The following GALNTL6 variants were observed in gnomAD, a reference collection of about 807,000 sequenced individuals.
The protein encoded by GALNTL6 is polypeptide N-acetylgalactosaminyltransferase like 6.
GALNTL6 carries 46 observed loss-of-function variants against 73.7 expected under a neutral mutation model. The ratio of observed to expected loss-of-function variants is 0.62; its 90% CI spans 0.49 to 0.80. GALNTL6 has a LOEUF of 0.80. Ranked by LOEUF, GALNTL6 falls within the 30% of genes least tolerant of loss-of-function variation. GALNTL6 has a pLI of 0.00. For missense variants in GALNTL6, 604 were observed against 755.0 expected, an observed-to-expected ratio of 0.80 and a Z score of 2.34; for synonymous variants, 259 against 263.7, an observed-to-expected ratio of 0.98 and a Z score of 0.17.
At chr4:172,042,952 G>C (rs1742127240) in intron 2 of GALNTL6, among the ~76,000 whole-genome samples, 1 of 136,706 alleles carries the variant, frequency 7.3e-6, no homozygotes. Flanking sequence ...TTTAAAATTT[G>C]AAACACAGTG....
At chr4:172,636,774 C>T (rs1441588730) in intron 5 of GALNTL6, among the ~76,000 whole-genome samples, 1 of 152,148 alleles carries the variant, frequency 6.6e-6, no homozygotes, top group Admixed American at 6.6e-5. Context: ...TAATCAAAGG[C>T]TCCTGGTAAA....
intron 7 of GALNTL6, among the ~76,000 whole-genome samples, chr4:172,814,167 T>C (rs1388436097): frequency 6.6e-6 from 1 of 152,226 alleles, no homozygotes; most frequent in Non-Finnish European, 1.5e-5. Context: ...TGAAATTGTG[T>C]ACCTATAACG....
chr4:172,113,002 A>G (rs1164301814), intron 2 of GALNTL6, among the ~76,000 whole-genome samples: 1 of 151,992 alleles, frequency 6.6e-6, no homozygotes, highest in Non-Finnish European at 1.5e-5. Flanking sequence ...CTATTATAGA[A>G]AACAAAACAG....
At chr4:172,451,518 A>C (rs992086779) in intron 5 of GALNTL6, among the ~76,000 whole-genome samples, 2 of 152,292 alleles carry the variant, frequency 1.3e-5, no homozygotes, top group Admixed American at 6.5e-5. Context: ...GGTTGATAGA[A>C]AGTGGTAAGG....
chr4:172,680,876 A>T (rs1180170205), intron 5 of GALNTL6, among the ~76,000 whole-genome samples: 1 of 152,216 alleles, frequency 6.6e-6, no homozygotes, highest in Non-Finnish European at 1.5e-5. Flanking sequence ...TGAGACAAGG[A>T]TTCTTTGAGA....
At position 172,663,173 on chromosome 4, in the gene GALNTL6, T is replaced by C. The variant is rs576917995; in HGVS notation, c.554-146188T>C. ...GAGATTTCAGGTCTGTTCAGAGGTT[T>C]GTGTTCTATTCTAGGTGCAATGGGA... On this transcript the variant is annotated intron_variant, in intron 5 of 12. Transcript: ENST00000506823. Among the ~76,000 whole-genome samples, 14 of 152,298 alleles carry C rather than the reference T, an allele frequency of 9.2e-5. No homozygotes were observed. In the South Asian group the frequency reaches 2.9e-3, roughly 32 times the overall value.
At chr4:172,565,428 T>G (rs1218240171) in intron 5 of GALNTL6, among the ~76,000 whole-genome samples, 1 of 152,218 alleles carries the variant, frequency 6.6e-6, no homozygotes, top group Admixed American at 6.5e-5. Flanking sequence ...TGAAGCAAAC[T>G]CATGTCTCAT....
intron 5 of GALNTL6, among the ~76,000 whole-genome samples, chr4:172,722,267 G>A (rs1218753248): frequency 6.6e-6 from 1 of 152,072 alleles, no homozygotes; most frequent in African/African-American, 2.4e-5. Flanking sequence ...CTAAATGGGG[G>A]TTCCATTTCT....
Position 172,394,428 on chromosome 4 carries a change from C to CTTTTT in GALNTL6, c.553+45755_553+45759dup, listed in dbSNP as rs201130774. On this transcript the variant is annotated intron_variant, in intron 5 of 12. Coordinates refer to ENST00000506823, the MANE Select transcript of GALNTL6 (RefSeq NM_001034845.3). ...TCTTGCAATTTATTTTCTTCTTCTT[C>CTTTTT]TTTTTTTTTTTTTTTTTTTTGAGAT... Among the ~76,000 whole-genome samples the CTTTTT allele has an allele frequency of 2.7e-4, 33 of 120,132 alleles. 1 individual carries two copies. Among genetic ancestry groups the CTTTTT allele is most frequent in the African/African-American group, 9.0e-4 (27 of 30,018 alleles). The allele number at this position is 120,132 out of a possible 152,430, so 78.8% of individuals were successfully genotyped here.
chr4:172,570,261 C>T (rs1281556042), intron 5 of GALNTL6, among the ~76,000 whole-genome samples: 1 of 152,038 alleles, frequency 6.6e-6, no homozygotes, highest in African/African-American at 2.4e-5. Context: ...TGTGCATCTG[C>T]TGAAGGTAGG....
chr4:172,654,254 G>A (rs867879866), intron 5 of GALNTL6, among the ~76,000 whole-genome samples: 1 of 152,144 alleles, frequency 6.6e-6, no homozygotes. Flanking sequence ...GGTTTACATA[G>A]TAGCTCCGTG....
intron 5 of GALNTL6, among the ~76,000 whole-genome samples, chr4:172,411,292 AG>A (rs1744425518): frequency 2.0e-5 from 3 of 152,088 alleles, no homozygotes; most frequent in Admixed American, 2.0e-4. Flanking sequence ...CTTTACTAAA[AG>A]AAAAAAAAAC....
intron 5 of GALNTL6, among the ~76,000 whole-genome samples, chr4:172,735,552 C>A (rs115510271): frequency 6.6e-6 from 1 of 151,984 alleles, no homozygotes; most frequent in African/African-American, 2.4e-5. Flanking sequence ...TTTGAGTTAA[C>A]GCTAAAATGA....
At chr4:172,653,654 T>G (rs1455790608) in intron 5 of GALNTL6, among the ~76,000 whole-genome samples, 1 of 152,228 alleles carries the variant, frequency 6.6e-6, no homozygotes, top group African/African-American at 2.4e-5. Context: ...CATACTTTAC[T>G]AAAAGATGTT....
chr4:172,900,134 G>T (rs138807260), intron 8 of GALNTL6, among the ~76,000 whole-genome samples: 1 of 152,094 alleles, frequency 6.6e-6, no homozygotes, highest in Admixed American at 6.6e-5. Flanking sequence ...TGGTTAAAAC[G>T]CATCTGACAG....
Position 172,744,840 on chromosome 4 carries a change from C to CATGT in GALNTL6, c.554-64521_554-64520insATGT, listed in dbSNP as rs1553983583. Among the ~76,000 whole-genome samples, 86 of 149,366 alleles carry CATGT rather than the reference C, an allele frequency of 5.8e-4. 1 individual carries two copies. The highest frequency in any genetic ancestry group is 3.7e-4 in the Non-Finnish European group (25 of 67,208). ...AGGATAGATTTTAAGAGTGCGCGTGCGTGTGTGTGTGTGTGTGTGTGTGTG... is the reference window on the plus strand; with the variant it reads ...AGGATAGATTTTAAGAGTGCGCGTGCATGTGTGTGTGTGTGTGTGTGTGTGTGTG... On this transcript the variant is annotated intron_variant, in intron 5 of 12. Coordinates refer to ENST00000506823, the MANE Select transcript of GALNTL6 (RefSeq NM_001034845.3).
chr4:172,352,737 G>A (rs1484383118), intron 5 of GALNTL6, among the ~76,000 whole-genome samples: 2 of 152,016 alleles, frequency 1.3e-5, no homozygotes, highest in Admixed American at 1.3e-4. Flanking sequence ...AAGTATGGAG[G>A]CACTGCTGTA....
At chr4:171,847,903 T>C (rs982493168) in intron 2 of GALNTL6, among the ~76,000 whole-genome samples, 1 of 152,150 alleles carries the variant, frequency 6.6e-6, no homozygotes, top group African/African-American at 2.4e-5. Flanking sequence ...TCCAAACTCC[T>C]ATTAATATGA....
At chr4:172,722,598 TG>T (rs1053761455) in intron 5 of GALNTL6, among the ~76,000 whole-genome samples, 4 of 151,718 alleles carry the variant, frequency 2.6e-5, no homozygotes. Context: ...AAAATGCAAA[TG>T]AAAATATAAG....
Sources: gnomAD v4.1 joint callset for allele counts (sites outside exome capture counted in the v4.1 genomes callset) on GRCh38, gnomAD v4.1.1 for gene constraint, MANE v1.5 for transcripts, NCBI Gene and HGNC (gene_info 2026-07-23, HGNC 2026-07-21) for gene names.